The following PRKD3 variants were observed in gnomAD, a reference collection of about 807,000 sequenced individuals.
PRKD3 encodes serine/threonine-protein kinase D3.
PRKD3 carries 47 observed loss-of-function variants against 99.2 expected under a neutral mutation model. The observed-to-expected ratio is 0.47, with a 90% CI of 0.38 to 0.60. The LOEUF (loss-of-function observed/expected upper bound fraction) is 0.60. Ranked by LOEUF, PRKD3 falls within the 20% of genes least tolerant of loss-of-function variation. The pLI is 0.00. For missense variants in PRKD3, 1,019 were observed against 1,088.4 expected (o/e 0.94, Z 0.90); for synonymous variants, 392 against 355.4 (o/e 1.10, Z -1.16).
At chr2:37,264,204 G>T (rs900495184) in intron 14 of PRKD3, among the ~76,000 whole-genome samples, 9 of 152,044 alleles carry the variant, frequency 5.9e-5, no homozygotes, top group African/African-American at 4.8e-5. Flanking sequence ...ACTGTATATA[G>T]ACATACATAA....
chr2:37,286,799 T>G (rs1486031138), intron 5 of PRKD3, among the ~76,000 whole-genome samples: 1 of 152,214 alleles, frequency 6.6e-6, no homozygotes, highest in East Asian at 1.9e-4. Flanking sequence ...TACATACATT[T>G]TAAGTCTAAT....
chr2:37,279,967 A>C lies in PRKD3; in HGVS notation c.989-38T>G, dbSNP rs200887959. Reference sequence around the variant, plus strand: ...TAAATGAATTTCAGAGTTTTATATTAATAGAGGAAGTCCATTAAATGTGAA... The same window carrying C: ...TAAATGAATTTCAGAGTTTTATATTCATAGAGGAAGTCCATTAAATGTGAA... On this transcript the variant is annotated intron_variant, in intron 7 of 18. Transcript: ENST00000234179. 4.3e-5 allele frequency: 61 copies of C among 1,410,396 alleles called. No individual in the cohort carries two copies. The East Asian group carries it at 1.3e-3, about 29-fold the overall frequency. The allele number at this position is 1,410,396 out of a possible 1,614,324, so 87.4% of individuals were successfully genotyped here. A position where few individuals can be genotyped will look rare whatever the true frequency, so the allele number is the denominator to read the frequency against.
chr2:37,286,178 T>C lies in PRKD3; in HGVS notation c.909A>G (p.Lys303=). 6.2e-7 allele frequency: 1 copy of C among 1,608,908 alleles called. No individual in the cohort carries two copies. The highest frequency in any genetic ancestry group is 2.2e-5 in the East Asian group (1 of 44,784). The change falls in exon 6 of 19, where the codon AAA becomes AAG. Residue 303 remains lysine (K), a splice_region_variant and synonymous_variant. Coordinates refer to ENST00000234179, the MANE Select transcript of PRKD3 (RefSeq NM_005813.6). ...KGLFRQGMQC[K]DCKFNCHKRC... ...ATTAGGGAAAACACCTAATCCTACC[T>C]TTACACTGCATTCCTTGGCGAAAGA...
Position 37,289,380 on chromosome 2 carries a change from T to C in PRKD3, c.693A>G (p.Glu231=), listed in dbSNP as rs374986613. 6.8e-6 allele frequency: 11 copies of C among 1,614,104 alleles called. No homozygotes were observed. In the Admixed American group the frequency reaches 1.5e-4, roughly 22 times the overall value. ...GLSVPRPLQP[E]YVALPSEESH... is the part of the protein sequence containing the mutation. ...CCTCTTCACTGGGAAGGGCTACATA[T>C]TCAGGCTGTAGGGGTCTTGGAACTG... is the stretch of plus-strand genomic sequence containing the variant. Residue 231 remains glutamate (E), a synonymous_variant, in exon 5 of 19, where the codon GAA becomes GAG. Coordinates refer to ENST00000234179, the MANE Select transcript of PRKD3 (RefSeq NM_005813.6).
chr2:37,313,091 T>C (rs1334025038), intron 2 of PRKD3, among the ~76,000 whole-genome samples: 2 of 152,222 alleles, frequency 1.3e-5, no homozygotes, highest in Non-Finnish European at 2.9e-5. Flanking sequence ...ATGCATATTA[T>C]ATAAACTAGA....
intron 17 of PRKD3, among the ~76,000 whole-genome samples, chr2:37,254,962 C>A (rs550718631): frequency 6.6e-6 from 1 of 152,318 alleles, no homozygotes; most frequent in East Asian, 1.9e-4. Flanking sequence ...CAACCAATAA[C>A]TACATACTAA....
At chr2:37,266,605 G>C (rs1668860807) in intron 14 of PRKD3, among the ~76,000 whole-genome samples, 1 of 151,970 alleles carries the variant, frequency 6.6e-6, no homozygotes. Flanking sequence ...TCCTGCCTCA[G>C]CCTCCTGAGT....
At chr2:37,285,563 T>C (rs980289139) in intron 6 of PRKD3, among the ~76,000 whole-genome samples, 5 of 152,226 alleles carry the variant, frequency 3.3e-5, no homozygotes, top group Non-Finnish European at 7.4e-5. Context: ...AGTATGCTTA[T>C]ATGTGTGTGT....
chr2:37,306,634 C>A lies in PRKD3; in HGVS notation c.288+9603G>T, dbSNP rs549697298. 3.8e-4 allele frequency among the ~76,000 whole-genome samples: 58 copies of A among 152,144 alleles called. 1 individual carries two copies. In the South Asian group the frequency reaches 0.012, roughly 30 times the overall value. ...GACCAGCCTGGGCAACATGGTGAAA[C>A]CCCATCTGTACAAAAAATAAAAAAA... On this transcript the variant is annotated intron_variant, in intron 2 of 18. Transcript: ENST00000234179.
In PRKD3 at chr2:37,271,227, T is replaced by C. The variant is rs573686970; in HGVS notation, c.1704+1153A>G. Among the ~76,000 whole-genome samples the C allele has an allele frequency of 2.0e-5, 3 of 152,250 alleles. No homozygotes were observed. The East Asian group carries it at 5.8e-4, about 29-fold the overall frequency. On this transcript the variant is annotated intron_variant, in intron 12 of 18. Transcript: ENST00000234179. ...AATTTTCTGACTTCCTTTTCTAGCCTGTTTTCTCTCTAGTCCAGGGGTTAG... is the reference window on the plus strand; with the variant it reads ...AATTTTCTGACTTCCTTTTCTAGCCCGTTTTCTCTCTAGTCCAGGGGTTAG...
chr2:37,272,843 CAT>C lies in PRKD3; in HGVS notation c.1652-413_1652-412del, dbSNP rs544694955. Reference sequence around the variant, plus strand: ...TAAAAAAATTTTAAAATTAGCCAGGCATAGTGGTGTGCACCGGTAGTCCTAGC... The same window carrying C: ...TAAAAAAATTTTAAAATTAGCCAGGCAGTGGTGTGCACCGGTAGTCCTAGC... On this transcript the variant is annotated intron_variant, in intron 11 of 18. Coordinates refer to ENST00000234179, the MANE Select transcript of PRKD3 (RefSeq NM_005813.6). 2.3e-3 allele frequency among the ~76,000 whole-genome samples: 350 copies of C among 152,138 alleles called. 1 individual carries two copies. Among genetic ancestry groups the C allele is most frequent in the Non-Finnish European group, 3.7e-3 (253 of 67,992 alleles).
intron 14 of PRKD3, among the ~76,000 whole-genome samples, chr2:37,265,320 A>G (rs949500371): frequency 3.3e-5 from 5 of 152,238 alleles, no homozygotes; most frequent in Non-Finnish European, 7.3e-5. Flanking sequence ...ACATAACTAA[A>G]TCTTATGAAA....
chr2:37,273,451 A>G (rs546816106), intron 11 of PRKD3, among the ~76,000 whole-genome samples: 2 of 152,036 alleles, frequency 1.3e-5, no homozygotes, highest in Admixed American at 6.5e-5. Flanking sequence ...AGATCTGCCT[A>G]CTGTATTTCT....
In PRKD3 at chr2:37,269,706, G is replaced by C. The variant is rs1473116853; in HGVS notation, c.1705-19C>G. 2.6e-6 allele frequency: 4 copies of C among 1,543,014 alleles called. No homozygotes were observed. Among genetic ancestry groups the C allele is most frequent in the Non-Finnish European group, 3.6e-6 (4 of 1,119,972 alleles). ...TGATATCCTGGTAGGATAAAGTAAG[G>C]AGTTAGTATTATTTATTTCTATAAT... On this transcript the variant is annotated intron_variant, in intron 12 of 18. Transcript: ENST00000234179.
rs370182850 is a variant in PRKD3, at chr2:37,267,561, C to T, written c.1778-25G>A. 57 of 1,509,046 alleles carry T rather than the reference C, an allele frequency of 3.8e-5. 1 individual carries two copies. The South Asian group carries it at 3.8e-4, about 10-fold the overall frequency. The allele number at this position is 1,509,046 out of a possible 1,614,324, so 93.5% of individuals were successfully genotyped here. A position where few individuals can be genotyped will look rare whatever the true frequency, so the allele number is the denominator to read the frequency against. Reference sequence around the variant, plus strand: ...CCTATTAAGAAAAAAAGAAGAGGAACGAATGAAGCAAACTGACAGCTTTAT... The same window carrying T: ...CCTATTAAGAAAAAAAGAAGAGGAATGAATGAAGCAAACTGACAGCTTTAT... On this transcript the variant is annotated intron_variant, in intron 13 of 18. Coordinates refer to ENST00000234179, the MANE Select transcript of PRKD3 (RefSeq NM_005813.6).
intron 6 of PRKD3, among the ~76,000 whole-genome samples, chr2:37,283,948 G>C (rs1169233330): frequency 6.7e-6 from 1 of 150,120 alleles, no homozygotes; most frequent in Non-Finnish European, 1.5e-5. Context: ...TGGACTACCT[G>C]CAAGTATGTA....
Position 37,274,602 on chromosome 2 carries a change from A to G in PRKD3, c.1470T>C (p.Thr490=). 1 of 1,614,150 alleles carries G rather than the reference A, an allele frequency of 6.2e-7. No individual in the cohort carries two copies. The highest frequency in any genetic ancestry group is 8.5e-7 in the Non-Finnish European group (1 of 1,179,972). Reference sequence around the variant, plus strand: ...CACCAACGAAGTATACCATAGTATCAGTAATGATTTCAAAACAGTGTGGAT... The same window carrying G: ...CACCAACGAAGTATACCATAGTATCGGTAATGATTTCAAAACAGTGTGGAT... ...GSNPHCFEII[T]DTMVYFVGEN... The change falls in exon 11 of 19, where the codon ACT becomes ACC. Residue 490 remains threonine (T), a synonymous_variant. Transcript: ENST00000234179.
intron 12 of PRKD3, 131 bp downstream of exon 12, chr2:37,272,249 G>A (rs1558541058): frequency 1.5e-6 from 2 of 1,373,962 alleles, no homozygotes; most frequent in Non-Finnish European, 1.9e-6. Context: ...GAACTCCTTA[G>A]GGAAGTTACC....
chr2:37,275,667 C>T, intron 10 of PRKD3, 100 bp downstream of exon 10: 1 of 1,288,598 alleles, frequency 7.8e-7, no homozygotes, highest in South Asian at 1.9e-5. Flanking sequence ...ACCATACTAG[C>T]TAGAGTCATA....
Sources: allele counts gnomAD v4.1 joint callset (sites outside exome capture counted in the v4.1 genomes callset), GRCh38; gene constraint gnomAD v4.1.1; transcripts MANE v1.5; gene names NCBI Gene and HGNC (gene_info 2026-07-23, HGNC 2026-07-21).